Variants in ACACB observed in about 807,000 individuals in gnomAD.
The protein encoded by ACACB is acetyl-CoA carboxylase beta, also known as acetyl-CoA carboxylase 2.
In ACACB, 209 loss-of-function variants were observed where a neutral mutation model predicts 278.8. The ratio of observed to expected loss-of-function variants is 0.75; its 90% CI spans 0.67 to 0.84. ACACB has a LOEUF of 0.84. ACACB is among the 40% of genes least tolerant of loss of function. ACACB has a pLI of 0.00. For synonymous variants in ACACB, 1,174 were observed against 1,285.6 expected (o/e 0.91, Z 1.86); for missense variants, 2,850 against 3,269.0 (o/e 0.87, Z 3.13).
intron 1 of ACACB, among the ~76,000 whole-genome samples, chr12:109,126,037 G>A (rs976770613): frequency 3.9e-5 from 6 of 152,168 alleles, no homozygotes; most frequent in African/African-American, 1.4e-4. Flanking sequence ...CTCCAGCAGC[G>A]TGTACCACAC....
intron 9 of ACACB, among the ~76,000 whole-genome samples, chr12:109,178,435 T>G (rs1010084677): frequency 1.3e-5 from 2 of 152,206 alleles, no homozygotes; most frequent in African/African-American, 4.8e-5. Context: ...TGGTCCCATT[T>G]TCATTCAAAG....
chr12:109,190,236 G>A (rs369824235), intron 13 of ACACB, among the ~76,000 whole-genome samples: 6 of 152,204 alleles, frequency 3.9e-5, no homozygotes, highest in Non-Finnish European at 5.9e-5. Flanking sequence ...CTATAGGCGC[G>A]TCCCACCACG....
At chr12:109,235,010 G>C (rs2046593238) in intron 31 of ACACB, among the ~76,000 whole-genome samples, 1 of 151,786 alleles carries the variant, frequency 6.6e-6, no homozygotes, top group Admixed American at 6.6e-5. Context: ...TCAATTTTAG[G>C]ACATTCTCAT....
At chr12:109,227,306 C>G (rs1250879018) in intron 27 of ACACB, 65 bp from the exon 28 acceptor site, 1 of 1,448,590 alleles carries the variant, frequency 6.9e-7, no homozygotes, top group Non-Finnish European at 9.5e-7. Context: ...CGTGAGTGCC[C>G]TCAGCTTTTG....
Position 109,172,294 on chromosome 12 carries a change from G to GCCA in ACACB, c.1056_1058dup (p.His353dup), listed in dbSNP as rs1490247026. On this transcript the variant is annotated inframe_insertion, in exon 6 of 53. Coordinates refer to ENST00000338432, the MANE Select transcript of ACACB (RefSeq NM_001093.4). ...TTGCAGGCGGTGTGGGCTGGCTGGG[G>GCCA]CCATGCTTCAGAAAACCCTAAACTT... The GCCA allele has an allele frequency of 1.2e-6, 2 of 1,613,870 alleles. No individual in the cohort carries two copies. Among genetic ancestry groups the GCCA allele is most frequent in the Admixed American group, 1.7e-5 (1 of 59,990 alleles).
At chr12:109,176,437 A>C (rs910058756) in intron 9 of ACACB, among the ~76,000 whole-genome samples, 174 bp downstream of exon 9, 10 of 152,174 alleles carry the variant, frequency 6.6e-5, no homozygotes, top group African/African-American at 2.4e-4. Context: ...AGAAAAGCCC[A>C]TGGTTTTGTG....
chr12:109,157,539 G>T (rs1040228344), intron 2 of ACACB, among the ~76,000 whole-genome samples: 2 of 152,128 alleles, frequency 1.3e-5, no homozygotes, highest in Non-Finnish European at 2.9e-5. Context: ...CCAAAGTGCT[G>T]GGATTACAGG....
intron 2 of ACACB, among the ~76,000 whole-genome samples, chr12:109,163,559 G>A (rs2043804129): frequency 6.6e-6 from 1 of 152,162 alleles, no homozygotes; most frequent in South Asian, 2.1e-4. Flanking sequence ...GTAGGCCAGT[G>A]TAGGAATTTC....
rs146426104 is a variant in ACACB at position 109,166,971 on chromosome 12, G to A, written c.764G>A (p.Gly255Glu). The A allele has an allele frequency of 1.9e-6, 3 of 1,614,014 alleles. No homozygotes were observed. The highest frequency in any genetic ancestry group is 2.2e-5 in the South Asian group (2 of 91,054). Reference protein sequence around the residue: ...ASPAEFVTRFGGDRVIEKVLI... With the variant: ...ASPAEFVTRFEGDRVIEKVLI... ...CCCGCTGAGTTTGTCACACGCTTTG[G>A]GGGGGATCGGGTCATCGAGAAGGTA... Residue 255 changes from glycine to glutamate, a missense_variant, in exon 3 of 53, where the codon GGG becomes GAG. Physicochemically the swap from Gly to Glu is moderately conservative, Grantham distance 98. Coordinates refer to ENST00000338432, the MANE Select transcript of ACACB (RefSeq NM_001093.4).
intron 21 of ACACB, among the ~76,000 whole-genome samples, chr12:109,212,497 G>A (rs150721246): frequency 1.8e-3 from 268 of 152,228 alleles, no homozygotes; most frequent in Middle Eastern, 3.4e-3. Context: ...GGGAGACAGC[G>A]ACAGATCATC....
Position 109,222,782 on chromosome 12 carries a change from C to A in ACACB, c.3679-17C>A. 1 of 1,604,092 alleles carries A rather than the reference C, an allele frequency of 6.2e-7. No homozygotes were observed. The highest frequency in any genetic ancestry group is 8.5e-7 in the Non-Finnish European group (1 of 1,171,768). On this transcript the variant is annotated splice_polypyrimidine_tract_variant and intron_variant, in intron 25 of 52. Transcript: ENST00000338432. ...GGAGGTTGGCTCACGCCAGCGCCCC[C>A]ATCCCTCCCCCTGCAGATCCTGATT...
chr12:109,124,306 C>T (rs551941546), intron 1 of ACACB, among the ~76,000 whole-genome samples: 96 of 152,204 alleles, frequency 6.3e-4, no homozygotes, highest in African/African-American at 2.2e-3. Flanking sequence ...TCATTTGTCC[C>T]GTAGAATTTT....
intron 22 of ACACB, among the ~76,000 whole-genome samples, chr12:109,214,835 C>T (rs186209234): frequency 1.2e-3 from 187 of 152,292 alleles, no homozygotes; most frequent in Admixed American, 5.9e-3. Flanking sequence ...CGATGGCTCA[C>T]ACCTATAATC....
At chr12:109,163,476 G>T (rs979845693) in intron 2 of ACACB, among the ~76,000 whole-genome samples, 3 of 152,082 alleles carry the variant, frequency 2.0e-5, no homozygotes, top group Admixed American at 2.0e-4. Context: ...ATGTTTAGAA[G>T]ATGAGGCTGA....
At chr12:109,160,045 G>C (rs2043673304) in intron 2 of ACACB, among the ~76,000 whole-genome samples, 1 of 150,338 alleles carries the variant, frequency 6.7e-6, no homozygotes, top group Non-Finnish European at 1.5e-5. Context: ...AGCCGAGATG[G>C]TGCCACTTCA....
At chr12:109,157,542 A>AT (rs1229004916) in intron 2 of ACACB, among the ~76,000 whole-genome samples, 2 of 152,184 alleles carry the variant, frequency 1.3e-5, no homozygotes, top group African/African-American at 4.8e-5. Flanking sequence ...AAGTGCTGGG[A>AT]TTACAGGCAT....
chr12:109,138,588 G>T (rs956747879), intron 1 of ACACB, among the ~76,000 whole-genome samples: 2 of 151,194 alleles, frequency 1.3e-5, no homozygotes, highest in African/African-American at 4.9e-5. Context: ...AAAAATAACA[G>T]CTTTGGCTGG....
intron 19 of ACACB, among the ~76,000 whole-genome samples, chr12:109,205,706 G>A (rs1229992663): frequency 2.6e-5 from 4 of 152,100 alleles, no homozygotes; most frequent in South Asian, 2.1e-4. Flanking sequence ...CTCCCACCTC[G>A]GACTCCCAAA....
chr12:109,233,868 A>G (rs1289019884), intron 30 of ACACB, 21 bp downstream of exon 30: 2 of 1,613,446 alleles, frequency 1.2e-6, no homozygotes, highest in East Asian at 4.5e-5. Flanking sequence ...AAGCCCAGGG[A>G]GCAACCTGGG....
Sources: gnomAD v4.1 joint callset for allele counts (sites outside exome capture counted in the v4.1 genomes callset) on GRCh38, gnomAD v4.1.1 for gene constraint, MANE v1.5 for transcripts, NCBI Gene and HGNC (gene_info 2026-07-23, HGNC 2026-07-21) for gene names.